Variants in PCSK5 observed in about 807,000 individuals in gnomAD.
PCSK5 encodes the protein proprotein convertase subtilisin/kexin type 5, also known as prohormone convertase 5.
Under a neutral mutation model 233.2 loss-of-function variants are expected in PCSK5, and 129 were observed. The ratio of observed to expected loss-of-function variants is 0.55; its 90% confidence interval spans 0.48 to 0.64. The LOEUF is 0.64. Among genes scored for constraint, PCSK5 ranks in the 30% least tolerant of loss-of-function variants. The pLI, the probability that PCSK5 is intolerant of heterozygous loss-of-function variation, is 0.00. For synonymous variants in PCSK5, 825 were observed against 879.2 expected (o/e 0.94, Z 1.09); for missense variants, 2,076 against 2,430.1 (o/e 0.85, Z 3.06).
At chr9:75,994,212 T>C (rs1246342994) in intron 3 of PCSK5, among the ~76,000 whole-genome samples, 1 of 151,968 alleles carries the variant, frequency 6.6e-6, no homozygotes, top group Non-Finnish European at 1.5e-5. Flanking sequence ...AACCTGGATG[T>C]CATCCTTGAC....
At chr9:75,972,248 T>C (rs1825841349) in intron 2 of PCSK5, among the ~76,000 whole-genome samples, 1 of 152,236 alleles carries the variant, frequency 6.6e-6, no homozygotes, top group Non-Finnish European at 1.5e-5. Flanking sequence ...ATGTCTGTTT[T>C]TGTACCACTA....
intron 37 of PCSK5, among the ~76,000 whole-genome samples, chr9:76,356,901 G>A (rs1830316156): frequency 6.6e-6 from 1 of 152,072 alleles, no homozygotes; most frequent in Non-Finnish European, 1.5e-5. Flanking sequence ...CCTTGAACAC[G>A]AGAGATCCAA....
chr9:76,157,831 A>G (rs1320444345), intron 11 of PCSK5, among the ~76,000 whole-genome samples: 1 of 152,262 alleles, frequency 6.6e-6, no homozygotes, highest in Non-Finnish European at 1.5e-5. Flanking sequence ...GTGGCAAAGA[A>G]TGAGAGAGAA....
chr9:76,143,478 T>C (rs1823311519), intron 10 of PCSK5, among the ~76,000 whole-genome samples: 1 of 152,198 alleles, frequency 6.6e-6, no homozygotes, highest in South Asian at 2.1e-4. Flanking sequence ...AAAAGAATAT[T>C]ATTTCTTACA....
At chr9:76,139,439 A>G (rs1823112628) in intron 10 of PCSK5, among the ~76,000 whole-genome samples, 2 of 152,102 alleles carry the variant, frequency 1.3e-5, no homozygotes, top group African/African-American at 2.4e-5. Flanking sequence ...TAATGTGTAC[A>G]TTGTGGTTTT....
intron 27 of PCSK5, among the ~76,000 whole-genome samples, chr9:76,301,475 A>G (rs936517423): frequency 6.6e-6 from 1 of 152,208 alleles, no homozygotes; most frequent in Non-Finnish European, 1.5e-5. Context: ...AGAAGGGAAC[A>G]ATCTCAAAAA....
chr9:76,316,932 T>C (rs1829050195), intron 30 of PCSK5, among the ~76,000 whole-genome samples: 1 of 152,040 alleles, frequency 6.6e-6, no homozygotes, highest in Non-Finnish European at 1.5e-5. Context: ...TCTTCAAGTG[T>C]TCTCTGTCAT....
At chr9:76,003,375 A>C (rs969033903) in intron 3 of PCSK5, among the ~76,000 whole-genome samples, 1 of 152,246 alleles carries the variant, frequency 6.6e-6, no homozygotes, top group Non-Finnish European at 1.5e-5. Flanking sequence ...CCTGTCTCAA[A>C]GAAATAAAAA....
intron 14 of PCSK5, 165 bp downstream of exon 14, chr9:76,175,294 A>ATAGAC: frequency 2.6e-6 from 1 of 388,908 alleles, no homozygotes; most frequent in Non-Finnish European, 4.6e-6. Context: ...ATCGAATCGA[A>ATAGAC]TAGAATAGAA....
chr9:76,044,846 C>T (rs970149528), intron 5 of PCSK5, among the ~76,000 whole-genome samples: 1 of 152,116 alleles, frequency 6.6e-6, no homozygotes, highest in African/African-American at 2.4e-5. Flanking sequence ...TTCAAATTCT[C>T]TTGGAAAGGC....
intron 5 of PCSK5, among the ~76,000 whole-genome samples, chr9:76,037,545 A>T (rs986138815): frequency 1.1e-4 from 16 of 152,148 alleles, no homozygotes; most frequent in African/African-American, 3.9e-4. Flanking sequence ...ACATTTCTCT[A>T]TTTGGGGATA....
intron 5 of PCSK5, among the ~76,000 whole-genome samples, chr9:76,044,054 C>T (rs1192267483): frequency 1.3e-5 from 2 of 152,080 alleles, no homozygotes; most frequent in East Asian, 1.9e-4. Context: ...TTTCTTATTA[C>T]ATTCTTATGT....
At chr9:76,128,270 C>G (rs1339043134) in intron 9 of PCSK5, among the ~76,000 whole-genome samples, 1 of 152,086 alleles carries the variant, frequency 6.6e-6, no homozygotes, top group Non-Finnish European at 1.5e-5. Context: ...AAGGCCAGAA[C>G]TAGATTCTGG....
In PCSK5 at chr9:76,289,438, CTTGT is replaced by C. The variant is rs368532535; in HGVS notation, c.3143-2792_3143-2789del. 2.5e-3 allele frequency among the ~76,000 whole-genome samples: 344 copies of C among 135,750 alleles called. 11 individuals carry two copies. The East Asian group carries it at 0.059, about 23-fold the overall frequency. The allele number at this position is 135,750 out of a possible 152,430, so 89.1% of individuals were successfully genotyped here. On this transcript the variant is annotated intron_variant, in intron 24 of 37. Coordinates refer to ENST00000674117, the MANE Select transcript of PCSK5 (RefSeq NM_001372043.1). ...CTTCCAAGACAGCTAACAATTGTAG[CTTGT>C]TTAAGACTCCCTTCCCATTCCCCTC...
intron 10 of PCSK5, among the ~76,000 whole-genome samples, chr9:76,155,613 A>T (rs2131810057): frequency 6.6e-6 from 1 of 152,300 alleles, no homozygotes; most frequent in South Asian, 2.1e-4. Context: ...GAAATGATGG[A>T]TGGATGGAGG....
At chr9:76,295,157 CA>C in intron 25 of PCSK5, 117 bp from the exon 26 acceptor site, 1 of 913,708 alleles carries the variant, frequency 1.1e-6, no homozygotes, top group Non-Finnish European at 1.6e-6. Context: ...CCATCTCAAA[CA>C]AAACAAAACA....
At chr9:76,220,806 C>G (rs1214672652) in intron 20 of PCSK5, among the ~76,000 whole-genome samples, 1 of 152,106 alleles carries the variant, frequency 6.6e-6, no homozygotes, top group African/African-American at 2.4e-5. Flanking sequence ...TTTTCAAGTA[C>G]ATGATACATT....
intron 24 of PCSK5, among the ~76,000 whole-genome samples, chr9:76,251,879 C>T (rs1826818846): frequency 6.6e-6 from 1 of 151,968 alleles, no homozygotes; most frequent in Admixed American, 6.6e-5. Context: ...AGCCCCAGAC[C>T]AAAACTCATG....
chr9:75,969,854 C>T (rs1417752144), intron 2 of PCSK5, among the ~76,000 whole-genome samples: 1 of 151,444 alleles, frequency 6.6e-6, no homozygotes, highest in Non-Finnish European at 1.5e-5. Flanking sequence ...AACACGGGTT[C>T]CTTGGACTCC....
Sources: gnomAD v4.1 joint callset for allele counts (sites outside exome capture counted in the v4.1 genomes callset) on GRCh38, gnomAD v4.1.1 for gene constraint, MANE v1.5 for transcripts, NCBI Gene and HGNC (gene_info 2026-07-23, HGNC 2026-07-21) for gene names.